Variants in RGS7 observed in about 807,000 individuals in gnomAD.
RGS7 encodes the protein regulator of G-protein signaling 7.
Under a neutral mutation model 81.1 loss-of-function variants are expected in RGS7, and 27 were observed. The observed-to-expected ratio is 0.33, with a 90% CI of 0.25 to 0.46. The LOEUF is 0.46. Ranked by LOEUF, RGS7 falls within the 20% of genes least tolerant of loss-of-function variation. The probability of loss-of-function intolerance (pLI) is 1.00; values close to 1 mark genes in which losing one functional copy is unlikely to be tolerated. For synonymous variants in RGS7, 208 were observed against 207.7 expected (o/e 1.00, Z -0.01); for missense variants, 396 against 607.4 (o/e 0.65, Z 3.66).
rs577011263 is a variant in RGS7, at chr1:241,311,569, T to C, written c.78+44130A>G. ...GCTGTCATGCCAGTAGGAGGTGTTA[T>C]GCTCATATCCAAGGCCTGAACTGTG... is the stretch of plus-strand genomic sequence containing the variant. On this transcript the variant is annotated intron_variant, in intron 2 of 18. Coordinates refer to ENST00000440928, the MANE Select transcript of RGS7 (RefSeq NM_001364886.1). 7.9e-5 allele frequency among the ~76,000 whole-genome samples: 12 copies of C among 152,328 alleles called. No homozygotes were observed. In the East Asian group the frequency reaches 2.1e-3, roughly 27 times the overall value.
chr1:241,326,215 G>T (rs2081482580), intron 2 of RGS7, among the ~76,000 whole-genome samples: 1 of 152,186 alleles, frequency 6.6e-6, no homozygotes, highest in African/African-American at 2.4e-5. Flanking sequence ...AAATCCCTCA[G>T]CAGTTTCCTC....
At chr1:241,217,962 G>C (rs2074672344) in intron 2 of RGS7, among the ~76,000 whole-genome samples, 1 of 152,164 alleles carries the variant, frequency 6.6e-6, no homozygotes, top group South Asian at 2.1e-4. Context: ...TCTAGATCTT[G>C]AAGCATTAAT....
chr1:240,993,093 A>AGGAGGGAGGGAGTGAGGGAGGGAG (rs1553378582), intron 3 of RGS7, among the ~76,000 whole-genome samples: 29 of 85,500 alleles, frequency 3.4e-4, no homozygotes, highest in African/African-American at 1.4e-3. Context: ...GAAGGAAGGA[A>AGGAGGGAGGGAGTGAGGGAGGGAG]GGAGGGAGGG....
intron 2 of RGS7, among the ~76,000 whole-genome samples, chr1:241,238,285 G>A (rs1057230582): frequency 6.6e-6 from 1 of 152,126 alleles, no homozygotes; most frequent in African/African-American, 2.4e-5. Flanking sequence ...ATAAAAGGAA[G>A]TAATAGTGGC....
intron 6 of RGS7, among the ~76,000 whole-genome samples, chr1:240,885,467 T>C (rs898928581): frequency 2.0e-5 from 3 of 152,264 alleles, no homozygotes; most frequent in Admixed American, 2.0e-4. Context: ...TGTAGCACTA[T>C]TCACAATAGC....
rs1220678659 is a variant in RGS7, at chr1:240,868,083, A to AAAGAAAAGAAGAG, written c.609+503_609+504insCTCTTCTTTTCTT. 6.7e-6 allele frequency among the ~76,000 whole-genome samples: 1 copy of AAAGAAAAGAAGAG among 150,006 alleles called. No individual in the cohort carries two copies. Among genetic ancestry groups the AAAGAAAAGAAGAG allele is most frequent in the African/African-American group, 2.5e-5 (1 of 40,038 alleles). Reference sequence around the variant, plus strand: ...AGAAAAGAAGAGAAAAGAAAGAAAGAAAAAGAAAGAAAAGAAAAAGAAAGA... The same window carrying AAAGAAAAGAAGAG: ...AGAAAAGAAGAGAAAAGAAAGAAAGAAAGAAAAGAAGAGAAAAGAAAGAAAAGAAAAAGAAAGA... On this transcript the variant is annotated intron_variant, in intron 9 of 18. Coordinates refer to ENST00000440928, the MANE Select transcript of RGS7 (RefSeq NM_001364886.1). The surrounding 1 kb of genome is among the most constrained non-coding windows in gnomAD (Gnocchi z 5.1).
chr1:241,021,865 T>C (rs2059554101), intron 3 of RGS7, among the ~76,000 whole-genome samples: 2 of 152,162 alleles, frequency 1.3e-5, no homozygotes, highest in South Asian at 4.2e-4. Context: ...CTTACCAATA[T>C]AGGAGAATGT....
At chr1:241,038,939 C>A (rs182401321) in intron 3 of RGS7, among the ~76,000 whole-genome samples, 1 of 151,908 alleles carries the variant, frequency 6.6e-6, no homozygotes, top group Non-Finnish European at 1.5e-5. Context: ...TGCACTTCAG[C>A]CTGGGAGACA....
At chr1:240,957,247 C>T (rs185269357) in intron 4 of RGS7, among the ~76,000 whole-genome samples, 1 of 152,244 alleles carries the variant, frequency 6.6e-6, no homozygotes, top group Admixed American at 6.5e-5. Context: ...ATGCTTCCTG[C>T]CCTCGAACCT....
At chr1:241,317,566 G>C (rs942870194) in intron 2 of RGS7, among the ~76,000 whole-genome samples, 16 of 152,118 alleles carry the variant, frequency 1.1e-4, no homozygotes, top group Non-Finnish European at 1.9e-4. Flanking sequence ...CCTGAGGCAG[G>C]CTTCTCAAGG....
chr1:241,122,509 A>G lies in RGS7; in HGVS notation c.79-23747T>C, dbSNP rs560281441. 7.2e-5 allele frequency among the ~76,000 whole-genome samples: 11 copies of G among 152,132 alleles called. No individual in the cohort carries two copies. In the South Asian group the frequency reaches 2.3e-3, roughly 32 times the overall value. On this transcript the variant is annotated intron_variant, in intron 2 of 18. Coordinates refer to ENST00000440928, the MANE Select transcript of RGS7 (RefSeq NM_001364886.1). ...GAAACCCCATCTCTACTAAATATAA[A>G]AAATTAGCCAGGCACGGTGGTGCAT...
chr1:241,306,614 A>G (rs1360711111), intron 2 of RGS7, among the ~76,000 whole-genome samples: 2 of 151,950 alleles, frequency 1.3e-5, no homozygotes, highest in Non-Finnish European at 2.9e-5. Flanking sequence ...ACAGGCATAT[A>G]TACGCACATG....
intron 18 of RGS7, among the ~76,000 whole-genome samples, chr1:240,783,564 A>C (rs1178208520): frequency 6.6e-6 from 1 of 151,952 alleles, no homozygotes; most frequent in Non-Finnish European, 1.5e-5. Flanking sequence ...CAGAGGTTGC[A>C]GTGAGCCGAG....
chr1:241,093,470 G>T (rs577558506), intron 3 of RGS7, among the ~76,000 whole-genome samples: 2 of 152,204 alleles, frequency 1.3e-5, no homozygotes, highest in East Asian at 3.9e-4. Flanking sequence ...CTGGAACATA[G>T]TGAGTATTTG....
intron 3 of RGS7, among the ~76,000 whole-genome samples, chr1:241,043,272 T>C (rs1308124095): frequency 2.6e-5 from 4 of 152,118 alleles, no homozygotes; most frequent in Non-Finnish European, 4.4e-5. Context: ...GGTTATATAA[T>C]ACTTTTGTTA....
intron 18 of RGS7, among the ~76,000 whole-genome samples, chr1:240,781,687 C>T (rs561403157): frequency 1.2e-4 from 18 of 152,188 alleles, no homozygotes; most frequent in Admixed American, 3.9e-4. Flanking sequence ...TATATTGAGA[C>T]AACTAAAAGG....
chr1:240,978,919 A>G (rs961850202), intron 4 of RGS7, among the ~76,000 whole-genome samples: 3 of 152,206 alleles, frequency 2.0e-5, no homozygotes, highest in African/African-American at 4.8e-5. Flanking sequence ...CTTAAATAAC[A>G]AAACAGAAAA....
intron 2 of RGS7, among the ~76,000 whole-genome samples, chr1:241,112,859 C>G (rs2065624621): frequency 6.6e-6 from 1 of 152,192 alleles, no homozygotes; most frequent in Non-Finnish European, 1.5e-5. Flanking sequence ...GTCGATCTTT[C>G]TAACCCACCG....
chr1:240,929,122 C>G (rs567492434), intron 6 of RGS7, among the ~76,000 whole-genome samples: 1 of 152,168 alleles, frequency 6.6e-6, no homozygotes, highest in Non-Finnish European at 1.5e-5. Context: ...AGATATTGCA[C>G]GCCTAAAGTC....
Sources: gnomAD v4.1 joint callset for allele counts (sites outside exome capture counted in the v4.1 genomes callset) on GRCh38, gnomAD v4.1.1 for gene constraint, Gnocchi (gnomAD v3.1) non-coding constraint, MANE v1.5 for transcripts, NCBI Gene and HGNC (gene_info 2026-07-23, HGNC 2026-07-21) for gene names.